Variants in PARD3B observed in about 807,000 individuals in gnomAD.
PARD3B encodes the protein partitioning defective 3 homolog B.
In PARD3B, 103 loss-of-function variants were observed where a neutral mutation model predicts 130.2. The observed-to-expected ratio is 0.79, with a 90% CI of 0.67 to 0.93. The LOEUF (loss-of-function observed/expected upper bound fraction) is 0.93. PARD3B is among the 40% of genes least tolerant of loss of function. The pLI is 0.00. For synonymous variants in PARD3B, 583 were observed against 553.2 expected (o/e 1.05, Z -0.76); for missense variants, 1,609 against 1,499.2 (o/e 1.07, Z -1.21).
chr2:205,444,599 T>C (rs759854591), intron 20 of PARD3B, among the ~76,000 whole-genome samples: 20 of 152,322 alleles, frequency 1.3e-4, no homozygotes, highest in East Asian at 9.7e-4. Flanking sequence ...AGCGTCATAA[T>C]TGGGGAATGA....
Position 205,473,911 on chromosome 2 carries a change from G to GT in PARD3B, c.3045-25984dup, listed in dbSNP as rs57749243. 0.18 allele frequency among the ~76,000 whole-genome samples: 26,984 copies of GT among 151,240 alleles called. 5,144 individuals are homozygous for GT. The highest frequency in any genetic ancestry group is 0.48 in the African/African-American group (19,912 of 41,234). On this transcript the variant is annotated intron_variant, in intron 20 of 22. Coordinates refer to ENST00000406610, the MANE Select transcript of PARD3B (RefSeq NM_001302769.2). The surrounding 1 kb of genome is among the most constrained non-coding windows in gnomAD (Gnocchi z 4.9). ...AAGCTTGATCTTCAACCTCACTTAT[G>GT]TCCCCATGACAACCTTTCTTGCCAT... is the stretch of plus-strand genomic sequence containing the variant.
At chr2:204,612,408 C>T (rs940408728) in intron 1 of PARD3B, among the ~76,000 whole-genome samples, 4 of 152,172 alleles carry the variant, frequency 2.6e-5, no homozygotes. Context: ...TCTGGTGAAA[C>T]GTTAGATAGG....
intron 2 of PARD3B, among the ~76,000 whole-genome samples, chr2:204,822,896 A>G (rs556284802): frequency 6.6e-6 from 1 of 152,154 alleles, no homozygotes; most frequent in Non-Finnish European, 1.5e-5. Flanking sequence ...TTGATTAGCT[A>G]CATATTGTTA....
At chr2:205,081,494 A>G (rs1701399872) in intron 4 of PARD3B, among the ~76,000 whole-genome samples, 1 of 152,040 alleles carries the variant, frequency 6.6e-6, no homozygotes. Context: ...TATTTGTAGA[A>G]CATGTTTAGA....
intron 2 of PARD3B, among the ~76,000 whole-genome samples, chr2:204,796,457 G>A (rs973828819): frequency 6.6e-6 from 1 of 152,138 alleles, no homozygotes; most frequent in African/African-American, 2.4e-5. Context: ...TCATCCCCTG[G>A]GCCAAGAGGC....
At chr2:205,373,216 T>A (rs2044893521) in intron 18 of PARD3B, among the ~76,000 whole-genome samples, 1 of 152,022 alleles carries the variant, frequency 6.6e-6, no homozygotes, top group Admixed American at 6.6e-5. Flanking sequence ...CCAGGGGGAA[T>A]CAGAAGATGA....
chr2:204,832,366 T>C (rs2043860000), intron 2 of PARD3B, among the ~76,000 whole-genome samples: 1 of 152,208 alleles, frequency 6.6e-6, no homozygotes, highest in African/African-American at 2.4e-5. Flanking sequence ...GTAGTTGATT[T>C]TTTTTCTGTA....
intron 10 of PARD3B, among the ~76,000 whole-genome samples, chr2:205,147,651 T>C (rs764587857): frequency 1.5e-4 from 23 of 152,320 alleles, no homozygotes; most frequent in Non-Finnish European, 2.9e-4. Context: ...AAAGAATGTC[T>C]AGAATTGTCT....
chr2:204,824,303 C>A (rs1387581480), intron 2 of PARD3B, among the ~76,000 whole-genome samples: 2 of 152,096 alleles, frequency 1.3e-5, no homozygotes, highest in East Asian at 1.9e-4. Context: ...TATCTTGGAG[C>A]CTCTGCACAG....
intron 19 of PARD3B, among the ~76,000 whole-genome samples, chr2:205,417,888 C>T (rs924444633): frequency 6.6e-6 from 1 of 152,234 alleles, no homozygotes; most frequent in Admixed American, 6.5e-5. Context: ...GTGTCCCACC[C>T]ACTTTGTGTG....
At chr2:204,813,741 G>A (rs931943222) in intron 2 of PARD3B, among the ~76,000 whole-genome samples, 9 of 152,018 alleles carry the variant, frequency 5.9e-5, no homozygotes, top group African/African-American at 2.2e-4. Flanking sequence ...ATATTCAGCT[G>A]CTTGAGAACC....
chr2:204,738,998 G>A (rs77259599), intron 2 of PARD3B, among the ~76,000 whole-genome samples: 4,189 of 152,132 alleles, frequency 0.028, 183 homozygotes, highest in African/African-American at 0.096. Flanking sequence ...ATTATGCAAG[G>A]GTGAGTATCA....
chr2:205,606,148 T>A lies in PARD3B; in HGVS notation c.3261-9308T>A, dbSNP rs571240091. On this transcript the variant is annotated intron_variant, in intron 22 of 22. Coordinates refer to ENST00000406610, the MANE Select transcript of PARD3B (RefSeq NM_001302769.2). ...GAGCCACAGTGATGACAGCCACCCC[T>A]CCCCACAGGAACTCAGTAATCTTAA... is the stretch of plus-strand genomic sequence containing the variant. Among the ~76,000 whole-genome samples, 3 of 152,012 alleles carry A rather than the reference T, an allele frequency of 2.0e-5. No individual in the cohort carries two copies. The East Asian group carries it at 5.8e-4, about 30-fold the overall frequency.
At chr2:205,217,149 C>T (rs1311042796) in intron 15 of PARD3B, among the ~76,000 whole-genome samples, 1 of 152,156 alleles carries the variant, frequency 6.6e-6, no homozygotes, top group Non-Finnish European at 1.5e-5. Flanking sequence ...AGGACTATCA[C>T]ATGTCACATA....
intron 2 of PARD3B, among the ~76,000 whole-genome samples, chr2:204,903,872 A>G (rs901262617): frequency 3.9e-5 from 6 of 152,186 alleles, no homozygotes; most frequent in African/African-American, 1.4e-4. Flanking sequence ...TTAAAATTAG[A>G]TGACCAACCT....
chr2:204,804,699 A>G (rs1411257133), intron 2 of PARD3B, among the ~76,000 whole-genome samples: 1 of 152,232 alleles, frequency 6.6e-6, no homozygotes, highest in African/African-American at 2.4e-5. Flanking sequence ...TCCTCAGCAT[A>G]TGGATCATTC....
chr2:204,594,754 A>C (rs76155757), intron 1 of PARD3B, among the ~76,000 whole-genome samples: 2,905 of 152,294 alleles, frequency 0.019, 79 homozygotes, highest in African/African-American at 0.067. Flanking sequence ...TGAACTATAA[A>C]AGTAATGCAT....
intron 10 of PARD3B, among the ~76,000 whole-genome samples, chr2:205,135,552 G>C (rs2032406162): frequency 6.9e-6 from 1 of 145,350 alleles, no homozygotes; most frequent in African/African-American, 2.5e-5. Flanking sequence ...TATCATTAAA[G>C]AATATCAGCT....
At chr2:204,720,172 C>T (rs1049721300) in intron 2 of PARD3B, among the ~76,000 whole-genome samples, 1 of 152,128 alleles carries the variant, frequency 6.6e-6, no homozygotes, top group Non-Finnish European at 1.5e-5. Flanking sequence ...TTTACTCTTA[C>T]AGTTTTAAAT....
Sources: allele counts gnomAD v4.1 joint callset (sites outside exome capture counted in the v4.1 genomes callset), GRCh38; gene constraint gnomAD v4.1.1; non-coding constraint Gnocchi (gnomAD v3.1); transcripts MANE v1.5; gene names NCBI Gene and HGNC (gene_info 2026-07-23, HGNC 2026-07-21).